Variants in ZNF423 observed in about 807,000 individuals in gnomAD.
The protein encoded by ZNF423 is Ebf-associated zinc finger protein.
In ZNF423, 12 loss-of-function variants were observed where a neutral mutation model predicts 95.8. The observed-to-expected ratio is 0.13, with a 90% CI of 0.08 to 0.20. ZNF423 has a LOEUF of 0.20. ZNF423 is among the 10% of genes least tolerant of loss of function. ZNF423 has a pLI of 1.00. For synonymous variants in ZNF423, 749 were observed against 711.9 expected, an observed-to-expected ratio of 1.05 and a Z score of -0.83; for missense variants, 1,316 against 1,737.1, an observed-to-expected ratio of 0.76 and a Z score of 4.31.
chr16:49,606,401 G>A (rs1971538197), intron 5 of ZNF423, among the ~76,000 whole-genome samples: 1 of 152,212 alleles, frequency 6.6e-6, no homozygotes, highest in Non-Finnish European at 1.5e-5. Context: ...GCTGAGGAGT[G>A]GAGGGACAGA....
At chr16:49,544,466 G>T (rs1487064952) in intron 5 of ZNF423, among the ~76,000 whole-genome samples, 3 of 152,232 alleles carry the variant, frequency 2.0e-5, no homozygotes, top group African/African-American at 7.2e-5. Context: ...GCAGGAAGGG[G>T]TCAGCTCCTT....
chr16:49,522,594 ATG>A (rs1968446622), intron 7 of ZNF423, among the ~76,000 whole-genome samples: 2 of 152,058 alleles, frequency 1.3e-5, no homozygotes, highest in Admixed American at 6.5e-5. Context: ...CATTCTTGGT[ATG>A]TGACATTTCG....
chr16:49,520,163 A>G (rs932460342), intron 7 of ZNF423, among the ~76,000 whole-genome samples: 16 of 152,004 alleles, frequency 1.1e-4, no homozygotes, highest in Admixed American at 3.3e-4. Context: ...TCTTTTCACC[A>G]CTGTCTTCTC....
intron 1 of ZNF423, among the ~76,000 whole-genome samples, chr16:49,815,927 T>A (rs1165007892): frequency 8.9e-5 from 10 of 112,374 alleles, no homozygotes; most frequent in East Asian, 7.7e-4. Context: ...TTTTTTTTTT[T>A]TTTTTTTTTG....
At chr16:49,619,685 G>C (rs576575849) in intron 5 of ZNF423, among the ~76,000 whole-genome samples, 2 of 152,318 alleles carry the variant, frequency 1.3e-5, no homozygotes, top group South Asian at 4.1e-4. Flanking sequence ...TCTCTGGAGG[G>C]AGAGGGAGAC....
chr16:49,851,651 T>C (rs751550601), intron 1 of ZNF423, among the ~76,000 whole-genome samples: 2 of 152,240 alleles, frequency 1.3e-5, no homozygotes, highest in African/African-American at 2.4e-5. Flanking sequence ...TGAATTACTT[T>C]ATGACTGTAA....
chr16:49,527,144 C>G (rs906221429), intron 5 of ZNF423, among the ~76,000 whole-genome samples: 6 of 152,114 alleles, frequency 3.9e-5, no homozygotes, highest in African/African-American at 1.4e-4. Flanking sequence ...TCCCCCGCAC[C>G]CCCGGGCACC....
At chr16:49,619,882 A>G (rs1971999407) in intron 5 of ZNF423, among the ~76,000 whole-genome samples, 1 of 152,006 alleles carries the variant, frequency 6.6e-6, no homozygotes, top group South Asian at 2.1e-4. Flanking sequence ...GGTTTTTTGT[A>G]TCTCCCTGGA....
chr16:49,693,466 C>T (rs903516954), intron 3 of ZNF423, among the ~76,000 whole-genome samples: 1 of 152,156 alleles, frequency 6.6e-6, no homozygotes, highest in African/African-American at 2.4e-5. Context: ...TATCAATGAC[C>T]GTGGTGAAAT....
chr16:49,649,637 G>A (rs1378947796), intron 3 of ZNF423, among the ~76,000 whole-genome samples: 1 of 95,106 alleles, frequency 1.1e-5, no homozygotes, highest in East Asian at 4.8e-4. Context: ...CTGCTTTGAA[G>A]TACACACACA....
At chr16:49,625,057 TAGA>T (rs898815102) in intron 5 of ZNF423, among the ~76,000 whole-genome samples, 1 of 152,190 alleles carries the variant, frequency 6.6e-6, no homozygotes, top group African/African-American at 2.4e-5. Flanking sequence ...GAAAAGATGC[TAGA>T]AGAAGAAAAA....
In ZNF423 at chr16:49,565,050, C is replaced by G. The variant is rs561924529; in HGVS notation, c.3602-39556G>C. On this transcript the variant is annotated intron_variant, in intron 5 of 7. Transcript: ENST00000563137. ...GTTGGAAACTTGGCCTAGATGACAGCTGTGTGGGCCTCTCCCCAGCTCGAC... is the reference window on the plus strand; with the variant it reads ...GTTGGAAACTTGGCCTAGATGACAGGTGTGTGGGCCTCTCCCCAGCTCGAC... Among the ~76,000 whole-genome samples, 3 of 152,316 alleles carry G rather than the reference C, an allele frequency of 2.0e-5. No homozygotes were observed. In the East Asian group the frequency reaches 5.8e-4, roughly 29 times the overall value.
At chr16:49,535,989 C>T (rs766129148) in intron 5 of ZNF423, among the ~76,000 whole-genome samples, 116 of 152,182 alleles carry the variant, frequency 7.6e-4, no homozygotes, top group Non-Finnish European at 1.2e-3. Flanking sequence ...CATGAATTAC[C>T]CCTGCTTCTA....
At chr16:49,681,328 TAAC>T (rs1477248074) in intron 3 of ZNF423, among the ~76,000 whole-genome samples, 3 of 152,154 alleles carry the variant, frequency 2.0e-5, no homozygotes, top group African/African-American at 7.2e-5. Context: ...CATGTCTAAA[TAAC>T]AAAATGAAAC....
chr16:49,745,632 G>T lies in ZNF423; in HGVS notation c.101-14661C>A, dbSNP rs112086670. On this transcript the variant is annotated intron_variant, in intron 2 of 7. Transcript: ENST00000563137. ...CGAGCGCGACGTGGTCTTCCCGTTC[G>T]CAGCGTGGTGCAATTACCCTTAGTC... Among the ~76,000 whole-genome samples the T allele has an allele frequency of 7.7e-3, 1,180 of 152,322 alleles. 22 individuals carry two copies. Among genetic ancestry groups the T allele is most frequent in the African/African-American group, 0.027 (1,124 of 41,566 alleles).
At chr16:49,823,694 G>A (rs2034973215) in intron 1 of ZNF423, among the ~76,000 whole-genome samples, 1 of 152,182 alleles carries the variant, frequency 6.6e-6, no homozygotes, top group Admixed American at 6.5e-5. Flanking sequence ...TAAGAGGAAG[G>A]TTGGGTAATC....
At chr16:49,653,966 GAC>G (rs1330226020) in intron 3 of ZNF423, among the ~76,000 whole-genome samples, 2 of 152,206 alleles carry the variant, frequency 1.3e-5, no homozygotes, top group Non-Finnish European at 2.9e-5. Context: ...TCTGTGGCCA[GAC>G]ACAGTGCCAA....
chr16:49,594,185 G>A (rs1230600640), intron 5 of ZNF423, among the ~76,000 whole-genome samples: 1 of 152,120 alleles, frequency 6.6e-6, no homozygotes, highest in African/African-American at 2.4e-5. Flanking sequence ...TCCAGATTGT[G>A]CAGGGTGTTA....
intron 2 of ZNF423, among the ~76,000 whole-genome samples, chr16:49,748,074 T>G (rs1445960541): frequency 6.6e-6 from 1 of 152,240 alleles, no homozygotes; most frequent in East Asian, 1.9e-4. Context: ...AGACCTTGTC[T>G]CTATAAATAA....
Sources: allele counts gnomAD v4.1 joint callset (sites outside exome capture counted in the v4.1 genomes callset), GRCh38; gene constraint gnomAD v4.1.1; transcripts MANE v1.5; gene names NCBI Gene and HGNC (gene_info 2026-07-23, HGNC 2026-07-21).